Variants in SIL1 observed in about 807,000 individuals in gnomAD.
The protein encoded by SIL1 is SIL1 nucleotide exchange factor, also known as nucleotide exchange factor SIL1.
In SIL1, 40 loss-of-function variants were observed where a neutral mutation model predicts 49.1. The ratio of observed to expected loss-of-function variants is 0.81; its 90% CI spans 0.63 to 1.06. SIL1 has a LOEUF of 1.06. SIL1 is among the 50% of genes least tolerant of loss of function. SIL1 has a pLI of 0.00. For synonymous variants in SIL1, 253 were observed against 250.8 expected (o/e 1.01, Z -0.08); for missense variants, 500 against 572.6 (o/e 0.87, Z 1.29).
chr5:139,138,932 ACATTTC>A (rs1352062419), intron 1 of SIL1, among the ~76,000 whole-genome samples: 1 of 152,212 alleles, frequency 6.6e-6, no homozygotes, highest in Non-Finnish European at 1.5e-5. Flanking sequence ...GGTTACAGAC[ACATTTC>A]CATTGAAACC....
At chr5:138,952,547 A>C (rs539882234) in intron 7 of SIL1, among the ~76,000 whole-genome samples, 1 of 152,226 alleles carries the variant, frequency 6.6e-6, no homozygotes, top group South Asian at 2.1e-4. Flanking sequence ...TATTCTCAGC[A>C]CTCAGCACAG....
At chr5:139,145,252 A>T (rs1490886468) in intron 1 of SIL1, among the ~76,000 whole-genome samples, 2 of 152,214 alleles carry the variant, frequency 1.3e-5, no homozygotes, top group Non-Finnish European at 2.9e-5. Context: ...ATTAGTCATC[A>T]TTAGAGAAAT....
chr5:139,034,728 C>T (rs1467353797), intron 5 of SIL1, among the ~76,000 whole-genome samples: 1 of 152,176 alleles, frequency 6.6e-6, no homozygotes, highest in Non-Finnish European at 1.5e-5. Context: ...AACTCAAAAA[C>T]ATATGCATGT....
chr5:138,994,890 T>C (rs1031633393), intron 7 of SIL1, among the ~76,000 whole-genome samples: 3 of 152,130 alleles, frequency 2.0e-5, no homozygotes, highest in Non-Finnish European at 2.9e-5. Context: ...GGTTCCAGTG[T>C]ATGTTGTTCC....
chr5:139,156,764 A>G (rs1214065815), intron 1 of SIL1, among the ~76,000 whole-genome samples: 1 of 152,248 alleles, frequency 6.6e-6, no homozygotes, highest in African/African-American at 2.4e-5. Flanking sequence ...TACAAGGTAT[A>G]GAGGGAGCAC....
chr5:139,057,533 G>A (rs1335435924), intron 3 of SIL1, among the ~76,000 whole-genome samples: 1 of 152,020 alleles, frequency 6.6e-6, no homozygotes, highest in Non-Finnish European at 1.5e-5. Flanking sequence ...AGCAGGTGGA[G>A]GCAGAAGCTC....
At chr5:139,117,925 C>G (rs962480874) in intron 3 of SIL1, among the ~76,000 whole-genome samples, 16 of 152,134 alleles carry the variant, frequency 1.1e-4, no homozygotes, top group African/African-American at 3.6e-4. Context: ...GTCTGGAAAT[C>G]TGCCTTCAAA....
rs953583761 is a variant in SIL1, at chr5:139,080,907, G to T, written c.245-29861C>A. Among the ~76,000 whole-genome samples the T allele has an allele frequency of 3.9e-5, 6 of 152,196 alleles. No homozygotes were observed. In the East Asian group the frequency reaches 7.7e-4, roughly 19 times the overall value. The stretch of plus-strand genomic sequence containing the variant: ...TGGTTATGATATTTGTTTTTCGCCA[G>T]TCCCATACCCATAGAATTTAAATTA... On this transcript the variant is annotated intron_variant, in intron 3 of 9. Coordinates refer to ENST00000394817, the MANE Select transcript of SIL1 (RefSeq NM_022464.5).
chr5:139,006,614 T>C (rs1768124133), intron 7 of SIL1, among the ~76,000 whole-genome samples: 1 of 152,060 alleles, frequency 6.6e-6, no homozygotes, highest in South Asian at 2.1e-4. Context: ...TTTTTTTTAA[T>C]CCATCTTGAA....
chr5:139,071,184 T>C (rs1280953850), intron 3 of SIL1, among the ~76,000 whole-genome samples: 1 of 89,750 alleles, frequency 1.1e-5, no homozygotes, highest in Non-Finnish European at 2.1e-5. Flanking sequence ...CAACAGACAA[T>C]TTATAAGAAG....
intron 6 of SIL1, among the ~76,000 whole-genome samples, chr5:139,023,003 G>A (rs1477658236): frequency 1.3e-5 from 2 of 152,180 alleles, no homozygotes; most frequent in Non-Finnish European, 2.9e-5. Flanking sequence ...GTTCCTAGCA[G>A]AGCAGCTGCC....
chr5:139,150,524 G>A (rs570128637), intron 1 of SIL1, among the ~76,000 whole-genome samples: 2 of 151,984 alleles, frequency 1.3e-5, no homozygotes, highest in African/African-American at 2.4e-5. Context: ...TCTCAGGTAG[G>A]AGCAACCGTC....
At chr5:138,989,068 GGAA>G (rs1370731587) in intron 7 of SIL1, among the ~76,000 whole-genome samples, 4 of 152,212 alleles carry the variant, frequency 2.6e-5, no homozygotes, top group Non-Finnish European at 5.9e-5. Flanking sequence ...GGGACACGGT[GGAA>G]GGACACAGTG....
intron 1 of SIL1, chr5:139,187,632 A>AAGGG (rs1324750824): frequency 6.6e-6 from 1 of 150,550 alleles, no homozygotes; most frequent in African/African-American, 2.4e-5. Context: ...CATCAGGAGC[A>AAGGG]AGGGGTACAC....
At chr5:138,959,319 T>C (rs914125522) in intron 7 of SIL1, among the ~76,000 whole-genome samples, 15 of 152,186 alleles carry the variant, frequency 9.9e-5, no homozygotes, top group Non-Finnish European at 2.1e-4. Context: ...ATAACTAGAG[T>C]CAATGCTCAA....
chr5:138,987,120 AT>A (rs1175362674), intron 7 of SIL1, among the ~76,000 whole-genome samples: 3 of 149,284 alleles, frequency 2.0e-5, no homozygotes, highest in East Asian at 3.9e-4. Flanking sequence ...ATTTTATTTT[AT>A]TTTATTTTAT....
chr5:139,056,435 C>G lies in SIL1; in HGVS notation c.245-5389G>C, dbSNP rs1014744393. ...AGAAGTGAGGAGCCCCTCCGCCCGG[C>G]AGCCACCCCGTCTGGGAAGTGAGGA... On this transcript the variant is annotated intron_variant, in intron 3 of 9. Transcript: ENST00000394817. 2.6e-5 allele frequency among the ~76,000 whole-genome samples: 4 copies of G among 151,460 alleles called. 1 individual carries two copies. The highest frequency in any genetic ancestry group is 5.9e-5 in the Non-Finnish European group (4 of 67,804).
chr5:139,156,713 C>T (rs1019262166), intron 1 of SIL1, among the ~76,000 whole-genome samples: 3 of 152,116 alleles, frequency 2.0e-5, no homozygotes, highest in African/African-American at 7.2e-5. Context: ...TGCTGTTAGC[C>T]ACCAGAAGCT....
intron 7 of SIL1, among the ~76,000 whole-genome samples, chr5:139,005,053 T>A (rs1028909982): frequency 6.6e-6 from 1 of 152,214 alleles, no homozygotes; most frequent in African/African-American, 2.4e-5. Flanking sequence ...AAGTCCAAGA[T>A]ATCTATCATA....
Sources: gnomAD v4.1 joint callset for allele counts (sites outside exome capture counted in the v4.1 genomes callset) on GRCh38, gnomAD v4.1.1 for gene constraint, MANE v1.5 for transcripts, NCBI Gene and HGNC (gene_info 2026-07-23, HGNC 2026-07-21) for gene names.